RTN4: variants seen among roughly 807,000 people sequenced by gnomAD.
The protein encoded by RTN4 is reticulon 4, also known as reticulon-4.
In RTN4, 32 loss-of-function variants were observed where a neutral mutation model predicts 90.4. That is an observed-to-expected ratio of 0.35 (90% CI 0.27 to 0.48). The LOEUF (loss-of-function observed/expected upper bound fraction) is 0.48, where lower values mean the gene tolerates loss of function less well. Among genes scored for constraint, RTN4 ranks in the 20% least tolerant of loss-of-function variants. RTN4 has a pLI of 0.99. For synonymous variants in RTN4, 629 were observed against 552.5 expected (o/e 1.14, Z -1.94); for missense variants, 1,706 against 1,430.2 (o/e 1.19, Z -3.11).
At chr2:55,062,630 C>T (rs1668321386) in intron 2 of RTN4, among the ~76,000 whole-genome samples, 1 of 152,238 alleles carries the variant, frequency 6.6e-6, no homozygotes, top group South Asian at 2.1e-4. Context: ...CTTCAAATCA[C>T]ATCACATCAG....
chr2:55,009,217 T>A (rs563071914), intron 3 of RTN4, among the ~76,000 whole-genome samples: 5 of 152,046 alleles, frequency 3.3e-5, no homozygotes, highest in Non-Finnish European at 7.4e-5. Context: ...AGGAAAAAAA[T>A]TGCTTACGTA....
chr2:55,068,015 C>T (rs867146032), intron 2 of RTN4, among the ~76,000 whole-genome samples: 10 of 152,172 alleles, frequency 6.6e-5, no homozygotes, highest in Admixed American at 3.9e-4. Context: ...GTTGGATTCT[C>T]ATATCTACTT....
At position 54,993,073 on chromosome 2, in the gene RTN4, CGG is replaced by C. The variant is rs779818751; in HGVS notation, c.3014-5377_3014-5376del. Among the ~76,000 whole-genome samples, 7 of 105,188 alleles carry C rather than the reference CGG, an allele frequency of 6.7e-5. No individual in the cohort carries two copies. The South Asian group carries it at 9.6e-4, about 14-fold the overall frequency. The allele number at this position is 105,188 out of a possible 152,430, so 69.0% of individuals were successfully genotyped here. A position where few individuals can be genotyped will look rare whatever the true frequency, so the allele number is the denominator to read the frequency against. On this transcript the variant is annotated intron_variant, in intron 3 of 8. Coordinates refer to ENST00000337526, the MANE Select transcript of RTN4 (RefSeq NM_020532.5). ...TGGGCAACAGAGCGAGACTCCATCT[CGG>C]AAAAAAAAAAAAAAAAAAGAAAAGA... is the stretch of plus-strand genomic sequence containing the variant.
intron 1 of RTN4, among the ~76,000 whole-genome samples, chr2:55,039,260 T>C (rs978540824): frequency 6.6e-6 from 1 of 152,226 alleles, no homozygotes. Flanking sequence ...TGCATTTTAC[T>C]GCATGTAAAT....
chr2:55,000,430 G>C lies in RTN4; in HGVS notation c.3014-12732C>G, dbSNP rs114196529. On this transcript the variant is annotated intron_variant, in intron 3 of 8. Coordinates refer to ENST00000337526, the MANE Select transcript of RTN4 (RefSeq NM_020532.5). ...AACGTTACAGTGCTTTGGCGAATTT[G>C]AACCACCACACCTAAGAAAATAACA... is the stretch of plus-strand genomic sequence containing the variant. Among the ~76,000 whole-genome samples, 837 of 152,156 alleles carry C rather than the reference G, an allele frequency of 5.5e-3. 2 individuals are homozygous for C. Among genetic ancestry groups the C allele is most frequent in the Non-Finnish European group, 8.0e-3 (542 of 68,010 alleles).
In RTN4 at chr2:55,085,486, C is replaced by T. The variant is rs529159058; in HGVS notation, c.-213-4847G>A. Among the ~76,000 whole-genome samples, 182 of 152,286 alleles carry T rather than the reference C, an allele frequency of 1.2e-3. 4 individuals are homozygous for T. Among genetic ancestry groups the T allele is most frequent in the Admixed American group, 8.1e-3 (124 of 15,296 alleles). On this transcript the variant is annotated intron_variant, in intron 1 of 3. Coordinates refer to the RTN4 transcript ENST00000427710. ...TCTAGAGGCAGAATTTCTTTCTCCT[C>T]AGAGGAGCTCAGTCTCTTAAGACCC...
intron 1 of RTN4, among the ~76,000 whole-genome samples, chr2:55,087,722 T>G (rs924088789): frequency 3.3e-5 from 5 of 152,104 alleles, no homozygotes; most frequent in Non-Finnish European, 7.3e-5. Flanking sequence ...ATAGTATATG[T>G]ATATCTTCAG....
the RTN4 span, among the ~76,000 whole-genome samples, chr2:55,134,287 T>G: frequency 1.3e-5 from 2 of 152,308 alleles, no homozygotes; most frequent in East Asian, 3.9e-4. Flanking sequence ...GATTTGTATC[T>G]TGTGAACTCC....
At chr2:55,032,117 G>T (rs1282041187) in intron 1 of RTN4, among the ~76,000 whole-genome samples, 1 of 151,460 alleles carries the variant, frequency 6.6e-6, no homozygotes, top group African/African-American at 2.4e-5. Flanking sequence ...GTCTTGCTCT[G>T]TCACCCAGGC....
At chr2:55,098,119 A>G (rs1296146469) in intron 1 of RTN4, among the ~76,000 whole-genome samples, 1 of 151,968 alleles carries the variant, frequency 6.6e-6, no homozygotes, top group Non-Finnish European at 1.5e-5. Flanking sequence ...TCACATCTCC[A>G]GTCATTTTAG....
rs189829258 is a variant in RTN4 at position 55,079,519 on chromosome 2, T to C, written c.-63+970A>G. Among the ~76,000 whole-genome samples, 767 of 152,342 alleles carry C rather than the reference T, an allele frequency of 5.0e-3. 5 individuals carry two copies. The highest frequency in any genetic ancestry group is 0.018 in the African/African-American group (737 of 41,570). On this transcript the variant is annotated intron_variant, in intron 2 of 3. Coordinates refer to the RTN4 transcript ENST00000427710. ...GCAGAAGACGATGAGCTTCAGCTTA[T>C]GGTCAGCAAGAATACTGGTGCTGTT...
intron 1 of RTN4, among the ~76,000 whole-genome samples, chr2:55,086,709 T>A (rs1338396335): frequency 6.6e-6 from 1 of 151,806 alleles, no homozygotes; most frequent in Non-Finnish European, 1.5e-5. Context: ...AATAATAACA[T>A]CAGTATCTCA....
chr2:55,116,488 T>A (rs1668127760), upstream of RTN4, among the ~76,000 whole-genome samples: 1 of 152,174 alleles, frequency 6.6e-6, no homozygotes, highest in African/African-American at 2.4e-5. Context: ...CGTCTGAAAT[T>A]CAGGATAACA....
intron 3 of RTN4, among the ~76,000 whole-genome samples, chr2:55,011,156 AC>A (rs1680600110): frequency 6.6e-6 from 1 of 152,082 alleles, no homozygotes; most frequent in African/African-American, 2.4e-5. Flanking sequence ...CATCTCAGTC[AC>A]CACAGGCATG....
At chr2:55,052,192 C>A (rs1668107477), upstream of RTN4, among the ~76,000 whole-genome samples, 1 of 152,086 alleles carries the variant, frequency 6.6e-6, no homozygotes, top group South Asian at 2.1e-4. Context: ...AAAGAGTGAA[C>A]CCTAATGTAG....
intron 4 of RTN4, among the ~76,000 whole-genome samples, chr2:54,983,592 C>A (rs1356175362): frequency 6.6e-6 from 1 of 152,130 alleles, no homozygotes; most frequent in Non-Finnish European, 1.5e-5. Flanking sequence ...CTGCAACATG[C>A]CCCAAATATG....
chr2:55,084,016 G>T (rs548205122), intron 1 of RTN4, among the ~76,000 whole-genome samples: 1 of 152,208 alleles, frequency 6.6e-6, no homozygotes, highest in African/African-American at 2.4e-5. Flanking sequence ...TGGAAGGGGG[G>T]TGGTCACCAG....
At chr2:55,104,871 A>G (rs1455563848) in intron 1 of RTN4, among the ~76,000 whole-genome samples, 1 of 151,956 alleles carries the variant, frequency 6.6e-6, no homozygotes, top group Non-Finnish European at 1.5e-5. Context: ...CAGTGGTGCG[A>G]TCTTGGTTCA....
chr2:55,023,237 G>A (rs1411680171), intron 3 of RTN4, among the ~76,000 whole-genome samples: 1 of 151,912 alleles, frequency 6.6e-6, no homozygotes, highest in African/African-American at 2.4e-5. Flanking sequence ...TGCCTTCCCT[G>A]AACCCATACC....
Sources: allele counts gnomAD v4.1 joint callset (sites outside exome capture counted in the v4.1 genomes callset), GRCh38; gene constraint gnomAD v4.1.1; transcripts MANE v1.5; gene names NCBI Gene and HGNC (gene_info 2026-07-23, HGNC 2026-07-21).